SARS2: variants seen among roughly 807,000 people sequenced by gnomAD.
The protein encoded by SARS2 is seryl-tRNA synthetase 2, mitochondrial.
Under a neutral mutation model 66.8 loss-of-function variants are expected in SARS2, and 52 were observed. The ratio of observed to expected loss-of-function variants is 0.78; its 90% CI spans 0.62 to 0.98. The LOEUF (loss-of-function observed/expected upper bound fraction) is 0.98, where lower values mean the gene tolerates loss of function less well. SARS2 is among the 50% of genes least tolerant of loss of function. The pLI is 0.00. For synonymous variants in SARS2, 306 were observed against 281.4 expected, an observed-to-expected ratio of 1.09 and a Z score of -0.87; for missense variants, 673 against 706.3, an observed-to-expected ratio of 0.95 and a Z score of 0.53.
At chr19:38,918,336 G>A (rs1974455554) in intron 9 of SARS2, 86 bp downstream of exon 9, 2 of 1,330,524 alleles carry the variant, frequency 1.5e-6, no homozygotes, top group East Asian at 2.3e-5. Flanking sequence ...CTCGGGGCAG[G>A]TGATCCCCCC....
At chr19:38,917,690 C>CA in intron 12 of SARS2, 34 bp downstream of exon 12, 1 of 1,138,296 alleles carries the variant, frequency 8.8e-7, no homozygotes, top group Non-Finnish European at 1.3e-6. Context: ...TACCCCACCC[C>CA]TGCCATCCCT....
intron 1 of SARS2, among the ~76,000 whole-genome samples, chr19:38,927,964 T>C (rs150681096): frequency 0.012 from 1,885 of 151,984 alleles, 39 homozygotes; most frequent in African/African-American, 0.043. Flanking sequence ...ACCCGGGAGG[T>C]AGAGATTGCA....
At chr19:38,928,752 C>T (rs1283251320) in intron 1 of SARS2, among the ~76,000 whole-genome samples, 1 of 152,150 alleles carries the variant, frequency 6.6e-6, no homozygotes, top group African/African-American at 2.4e-5. Flanking sequence ...ATCCACAGAT[C>T]TTTGTTTAAT....
At chr19:38,922,301 T>C (rs1219906804) in intron 2 of SARS2, 34 bp from the exon 3 acceptor site, 1 of 1,611,948 alleles carries the variant, frequency 6.2e-7, no homozygotes, top group South Asian at 1.1e-5. Context: ...GTGATTAGGT[T>C]GACAAAGTCG....
At chr19:38,930,233 T>C (rs902174359) in intron 1 of SARS2, 1 of 575,474 alleles carries the variant, frequency 1.7e-6, no homozygotes, top group Admixed American at 3.2e-5. Flanking sequence ...GCGAGCAGTA[T>C]GAAACAAGCG....
At chr19:38,927,211 T>G (rs2144781099) in intron 1 of SARS2, among the ~76,000 whole-genome samples, 1 of 152,184 alleles carries the variant, frequency 6.6e-6, no homozygotes, top group East Asian at 1.9e-4. Context: ...GTGCTGGGAT[T>G]GCAGGTGTGA....
chr19:38,916,701 T>A (rs1974425453), intron 12 of SARS2, among the ~76,000 whole-genome samples: 1 of 151,352 alleles, frequency 6.6e-6, no homozygotes, highest in Admixed American at 6.6e-5. Flanking sequence ...CTGGCTCTGT[T>A]GCCCAGGCTG....
At chr19:38,921,966 A>C in intron 3 of SARS2, 1 of 1,551,196 alleles carries the variant, frequency 6.4e-7, no homozygotes, top group Non-Finnish European at 8.7e-7. Flanking sequence ...AACTGGAACT[A>C]TCAGGAAAGC....
chr19:38,924,851 C>T (rs1046776330), intron 2 of SARS2, among the ~76,000 whole-genome samples: 2 of 152,128 alleles, frequency 1.3e-5, no homozygotes, highest in Non-Finnish European at 2.9e-5. Context: ...TTTTTCCCAG[C>T]TGTAAAATTG....
intron 2 of SARS2, among the ~76,000 whole-genome samples, chr19:38,925,405 G>C (rs1264869683): frequency 2.0e-5 from 3 of 152,210 alleles, no homozygotes; most frequent in Non-Finnish European, 1.5e-5. Flanking sequence ...GTAGTTCAGG[G>C]GAAGTGGGCC....
intron 2 of SARS2, among the ~76,000 whole-genome samples, chr19:38,922,682 C>A (rs904950328): frequency 6.6e-6 from 1 of 152,054 alleles, no homozygotes; most frequent in Middle Eastern, 3.2e-3. Flanking sequence ...GTCCTGGGGG[C>A]GGTTTCCCCC....
chr19:38,929,486 T>A (rs1974691548), intron 1 of SARS2, among the ~76,000 whole-genome samples: 1 of 151,278 alleles, frequency 6.6e-6, no homozygotes, highest in African/African-American at 2.4e-5. Flanking sequence ...GCTCAGGAAT[T>A]CAAGGTTCCA....
At chr19:38,922,407 C>CG (rs1974553606) in intron 2 of SARS2, 140 bp from the exon 3 acceptor site, 1 of 791,852 alleles carries the variant, frequency 1.3e-6, no homozygotes, top group Non-Finnish European at 2.2e-6. Context: ...CTCTGCAACT[C>CG]TGTGTTTCTG....
At chr19:38,918,401 A>C in intron 9 of SARS2, 21 bp downstream of exon 9, 1 of 1,597,210 alleles carries the variant, frequency 6.3e-7, no homozygotes, top group Admixed American at 1.7e-5. Flanking sequence ...GCTCCTCCCC[A>C]CCACCCACAC....
At position 38,930,459 on chromosome 19, in the gene SARS2, G is replaced by A. The variant is rs1434390104; in HGVS notation, c.267+11C>T. 10 of 1,591,560 alleles carry A rather than the reference G, an allele frequency of 6.3e-6. No homozygotes were observed. Among genetic ancestry groups the A allele is most frequent in the Admixed American group, 5.1e-5 (3 of 58,912 alleles). ...ACGTCTGCGCCCCCCGGCCGGCGCA[G>A]GCGCACTCACGATCGCGGGCAGGTC... On this transcript the variant is annotated intron_variant, in intron 1 of 15. Transcript: ENST00000221431.
intron 2 of SARS2, among the ~76,000 whole-genome samples, chr19:38,925,593 T>C (rs1388115243): frequency 6.6e-6 from 1 of 152,170 alleles, no homozygotes; most frequent in Non-Finnish European, 1.5e-5. Context: ...AGTCTCTGTC[T>C]CCTTCCCCTG....
At chr19:38,928,215 T>A (rs1194670892) in intron 1 of SARS2, 2 of 152,060 alleles carry the variant, frequency 1.3e-5, no homozygotes, top group Non-Finnish European at 2.9e-5. Context: ...CCATCTCTAC[T>A]AAAAATACAA....
intron 12 of SARS2, among the ~76,000 whole-genome samples, chr19:38,916,732 G>A (rs1974425890): frequency 1.4e-5 from 2 of 146,574 alleles, no homozygotes; most frequent in African/African-American, 5.1e-5. Flanking sequence ...GCGCGATCTC[G>A]GCTCACTGCA....
intron 9 of SARS2, 57 bp from the exon 10 acceptor site, chr19:38,918,196 G>T: frequency 6.5e-7 from 1 of 1,544,180 alleles, no homozygotes. Flanking sequence ...GGAAGCCTTT[G>T]GAAGATTAAG....
Sources: allele counts gnomAD v4.1 joint callset (sites outside exome capture counted in the v4.1 genomes callset), GRCh38; gene constraint gnomAD v4.1.1; transcripts MANE v1.5; gene names NCBI Gene and HGNC (gene_info 2026-07-23, HGNC 2026-07-21).